Variants in OSBPL9 observed in about 807,000 individuals in gnomAD.
OSBPL9 encodes oxysterol-binding protein-related protein 9.
OSBPL9 carries 40 observed loss-of-function variants against 106.6 expected under a neutral mutation model. The ratio of observed to expected loss-of-function variants is 0.38; its 90% confidence interval spans 0.29 to 0.49. The LOEUF is 0.49. Ranked by LOEUF, OSBPL9 falls within the 20% of genes least tolerant of loss-of-function variation. The probability of loss-of-function intolerance (pLI) is 0.97; values close to 1 mark genes in which losing one functional copy is unlikely to be tolerated. For missense variants in OSBPL9, 609 were observed against 887.2 expected, an observed-to-expected ratio of 0.69 and a Z score of 3.98; for synonymous variants, 269 against 295.4, an observed-to-expected ratio of 0.91 and a Z score of 0.92.
intron 7 of OSBPL9, among the ~76,000 whole-genome samples, chr1:51,748,897 C>A (rs966717084): frequency 1.3e-5 from 2 of 152,054 alleles, no homozygotes; most frequent in African/African-American, 4.8e-5. Flanking sequence ...ACCAGACTGA[C>A]CAACATGGAT....
chr1:51,669,569 C>T, intron 3 of OSBPL9, 57 bp downstream of exon 3: 1 of 1,547,156 alleles, frequency 6.5e-7, no homozygotes, highest in East Asian at 2.3e-5. Flanking sequence ...CTTTTCTTCT[C>T]TTTTGGGTTG....
At chr1:51,761,490 G>GA (rs1671495802) in intron 10 of OSBPL9, among the ~76,000 whole-genome samples, 1 of 152,108 alleles carries the variant, frequency 6.6e-6, no homozygotes, top group Non-Finnish European at 1.5e-5. Context: ...CTTCTTAAGT[G>GA]AATTAGCTTA....
chr1:51,634,033 A>G (rs1340931938), intron 1 of OSBPL9, among the ~76,000 whole-genome samples: 1 of 152,206 alleles, frequency 6.6e-6, no homozygotes, highest in Non-Finnish European at 1.5e-5. Context: ...ATTGGAGTCT[A>G]TAGGATGAGA....
At chr1:51,556,078 G>C in the OSBPL9 span, among the ~76,000 whole-genome samples, 1 of 151,502 alleles carries the variant, frequency 6.6e-6, no homozygotes, top group Non-Finnish European at 1.5e-5. Context: ...GTGTGATCTC[G>C]GGCAAGTTTG....
upstream of OSBPL9, among the ~76,000 whole-genome samples, chr1:51,616,027 T>TTTTTTTTTTTTTTTTTTTGTGTG (rs1292732346): frequency 6.8e-6 from 1 of 147,362 alleles, no homozygotes; most frequent in African/African-American, 2.6e-5. Flanking sequence ...TTTTTTTTTT[T>TTTTTTTTTTTTTTTTTTTGTGTG]TGTGTGAGAG....
At chr1:51,663,295 AGTGTGTGT>A (rs10544368) in intron 2 of OSBPL9, among the ~76,000 whole-genome samples, 40 of 148,806 alleles carry the variant, frequency 2.7e-4, no homozygotes, top group Non-Finnish European at 3.7e-4. Context: ...TATGCTGGCA[AGTGTGTGT>A]GTGTGTGTGT....
intron 2 of OSBPL9, among the ~76,000 whole-genome samples, chr1:51,659,778 G>A (rs1647028306): frequency 1.3e-5 from 2 of 151,972 alleles, no homozygotes; most frequent in Non-Finnish European, 2.9e-5. Context: ...ATATGAAAAT[G>A]GATAATTTCT....
chr1:51,569,941 C>G, the OSBPL9 span, among the ~76,000 whole-genome samples: 2 of 152,326 alleles, frequency 1.3e-5, no homozygotes, highest in South Asian at 4.1e-4. Flanking sequence ...AATCAGGAGG[C>G]TGAGTCATAA....
At chr1:51,621,461 G>T (rs1450570145) in intron 1 of OSBPL9, among the ~76,000 whole-genome samples, 2 of 149,838 alleles carry the variant, frequency 1.3e-5, no homozygotes, top group African/African-American at 2.5e-5. Context: ...AGCCGAGATG[G>T]TCCCACTGCA....
At chr1:51,780,288 C>T (rs1676065567) in intron 15 of OSBPL9, among the ~76,000 whole-genome samples, 1 of 151,698 alleles carries the variant, frequency 6.6e-6, no homozygotes, top group African/African-American at 2.4e-5. Flanking sequence ...ACTAGTACAA[C>T]CACTATGGAA....
chr1:51,722,224 A>C (rs772099316), intron 4 of OSBPL9, among the ~76,000 whole-genome samples: 81 of 151,764 alleles, frequency 5.3e-4, no homozygotes, highest in Non-Finnish European at 4.7e-4. Context: ...TAGACAACAC[A>C]AAGCAGTTTC....
At chr1:51,573,758 G>A (rs56205469), upstream of OSBPL9, among the ~76,000 whole-genome samples, 2,954 of 149,816 alleles carry the variant, frequency 0.02, 47 homozygotes, top group Non-Finnish European at 0.03. Context: ...AGGTTGCAGT[G>A]AGCCGAGATT....
chr1:51,669,941 C>A, intron 3 of OSBPL9: 1 of 375,532 alleles, frequency 2.7e-6, no homozygotes, highest in South Asian at 2.0e-5. Context: ...AGCTTAGTGG[C>A]AACCTTTGGC....
intron 1 of OSBPL9, among the ~76,000 whole-genome samples, chr1:51,624,444 C>T (rs1378209123): frequency 8.6e-5 from 13 of 151,802 alleles, no homozygotes; most frequent in African/African-American, 1.9e-4. Flanking sequence ...AAAAATTAGC[C>T]GGGCATGGTG....
At chr1:51,772,885 A>G (rs1385848223) in intron 14 of OSBPL9, among the ~76,000 whole-genome samples, 162 bp downstream of exon 14, 6 of 152,232 alleles carry the variant, frequency 3.9e-5, no homozygotes, top group African/African-American at 1.4e-4. Context: ...AATTTTATAA[A>G]TGATGAAATA....
At chr1:51,525,144 C>G in the OSBPL9 span, among the ~76,000 whole-genome samples, 3 of 152,224 alleles carry the variant, frequency 2.0e-5, no homozygotes, top group African/African-American at 7.2e-5. Flanking sequence ...AGCGCAATAA[C>G]AAGAGCATGG....
At chr1:51,618,040 C>T (rs1644186243) in intron 1 of OSBPL9, among the ~76,000 whole-genome samples, 1 of 139,432 alleles carries the variant, frequency 7.2e-6, no homozygotes, top group African/African-American at 2.7e-5. Flanking sequence ...TTTTTTGAGA[C>T]GGAGTCTCGC....
intron 1 of OSBPL9, among the ~76,000 whole-genome samples, chr1:51,644,106 A>AT (rs1645994987): frequency 6.9e-6 from 1 of 144,440 alleles, no homozygotes; most frequent in Non-Finnish European, 1.5e-5. Context: ...AAAAAAAAAA[A>AT]GCAGGTGATA....
intron 15 of OSBPL9, among the ~76,000 whole-genome samples, chr1:51,779,400 T>G (rs1675797200): frequency 6.6e-6 from 1 of 152,094 alleles, no homozygotes. Flanking sequence ...AAAAATCAAC[T>G]CAACATATAT....
Sources: allele counts gnomAD v4.1 joint callset (sites outside exome capture counted in the v4.1 genomes callset), GRCh38; gene constraint gnomAD v4.1.1; transcripts MANE v1.5; gene names NCBI Gene and HGNC (gene_info 2026-07-23, HGNC 2026-07-21).